Variants in VPS13B observed in about 807,000 individuals in gnomAD.
VPS13B encodes the protein vacuolar protein sorting 13 homolog B.
A neutral mutation model predicts 426.4 loss-of-function variants in VPS13B; 285 were observed. The observed-to-expected ratio is 0.67, with a 90% CI of 0.61 to 0.74. VPS13B has a LOEUF of 0.74. Ranked by LOEUF, VPS13B falls within the 30% of genes least tolerant of loss-of-function variation. The pLI, the probability that VPS13B is intolerant of heterozygous loss-of-function variation, is 0.00. For synonymous variants in VPS13B, 1,676 were observed against 1,676.4 expected (o/e 1.00, Z 0.01); for missense variants, 4,537 against 4,782.6 (o/e 0.95, Z 1.51).
chr8:99,864,118 G>A (rs1050095055), intron 58 of VPS13B, among the ~76,000 whole-genome samples: 2 of 152,198 alleles, frequency 1.3e-5, no homozygotes, highest in East Asian at 1.9e-4. Flanking sequence ...AACAAAGAGC[G>A]GAGTACAGCA....
intron 22 of VPS13B, 32 bp from the exon 23 acceptor site, chr8:99,442,368 TC>T: frequency 9.4e-6 from 15 of 1,588,764 alleles, no homozygotes; most frequent in Non-Finnish European, 1.3e-5. Flanking sequence ...TTTAGTCTAA[TC>T]CGAATATTTT....
chr8:99,846,916 GA>G (rs1189478787), intron 54 of VPS13B, among the ~76,000 whole-genome samples: 4 of 152,190 alleles, frequency 2.6e-5, no homozygotes, highest in African/African-American at 9.7e-5. Context: ...GGTGACTTAG[GA>G]AAAGGAATAT....
At chr8:99,202,980 A>C (rs1043550832) in intron 17 of VPS13B, among the ~76,000 whole-genome samples, 1 of 150,880 alleles carries the variant, frequency 6.6e-6, no homozygotes, top group Non-Finnish European at 1.5e-5. Context: ...CTTGCAGTGG[A>C]GCTTGCAGCT....
intron 30 of VPS13B, among the ~76,000 whole-genome samples, chr8:99,537,593 C>T (rs1823325418): frequency 6.6e-6 from 1 of 152,128 alleles, no homozygotes; most frequent in Non-Finnish European, 1.5e-5. Flanking sequence ...CAGAAGTTGC[C>T]CTCCTCTTTG....
intron 44 of VPS13B, among the ~76,000 whole-genome samples, chr8:99,814,015 C>T (rs1008800696): frequency 6.6e-6 from 1 of 152,164 alleles, no homozygotes; most frequent in Non-Finnish European, 1.5e-5. Context: ...TGGCATGTGC[C>T]TGTAGTCCAA....
Position 99,642,413 on chromosome 8 carries a change from G to T in VPS13B, c.5823G>T (p.Leu1941=). 6.2e-7 allele frequency: 1 copy of T among 1,614,080 alleles called. No homozygotes were observed. Among genetic ancestry groups the T allele is most frequent in the East Asian group, 2.2e-5 (1 of 44,886 alleles). ...YFIVSQPSLL[L]SCHHRKQRVE... ...TTGTGTCCCAGCCTTCCTTGCTTCTGAGTTGTCACCACAGAAAGCAGCGAG... is the reference window on the plus strand; with the variant it reads ...TTGTGTCCCAGCCTTCCTTGCTTCTTAGTTGTCACCACAGAAAGCAGCGAG... Residue 1941 remains leucine, a synonymous_variant, in exon 34 of 62, where the codon CTG becomes CTT. Coordinates refer to ENST00000357162, the MANE Select transcript of VPS13B (RefSeq NM_152564.5).
intron 22 of VPS13B, among the ~76,000 whole-genome samples, chr8:99,438,356 A>G (rs1367547179): frequency 2.0e-5 from 3 of 152,066 alleles, no homozygotes; most frequent in Non-Finnish European, 4.4e-5. Context: ...CTTGGCCTTT[A>G]TTTTCAGGAT....
intron 17 of VPS13B, 105 bp downstream of exon 17, chr8:99,193,162 A>G: frequency 1.8e-6 from 2 of 1,141,250 alleles, no homozygotes; most frequent in Non-Finnish European, 2.5e-6. Flanking sequence ...CTTAAATTGT[A>G]ATATGTTTCT....
At chr8:99,520,851 T>A (rs1822347465) in intron 29 of VPS13B, 48 bp from the exon 30 acceptor site, 1 of 1,477,208 alleles carries the variant, frequency 6.8e-7, no homozygotes, top group African/African-American at 1.4e-5. Context: ...TGCATAAAGT[T>A]ATGTACAGAT....
intron 42 of VPS13B, among the ~76,000 whole-genome samples, chr8:99,782,419 A>T (rs1208756633): frequency 6.6e-6 from 1 of 152,070 alleles, no homozygotes. Context: ...GTACAAATTA[A>T]CAAGTGCTCT....
At chr8:99,745,397 C>A (rs912557419) in intron 39 of VPS13B, among the ~76,000 whole-genome samples, 1 of 152,044 alleles carries the variant, frequency 6.6e-6, no homozygotes, top group African/African-American at 2.4e-5. Context: ...CATGGTTTCA[C>A]TTTCTGTGGT....
At chr8:99,227,635 T>C (rs1311492455) in intron 17 of VPS13B, among the ~76,000 whole-genome samples, 2 of 152,136 alleles carry the variant, frequency 1.3e-5, no homozygotes, top group East Asian at 1.9e-4. Flanking sequence ...TTCAGTTTTA[T>C]TTTTTTAACA....
intron 3 of VPS13B, among the ~76,000 whole-genome samples, chr8:99,072,751 A>G (rs1844915454): frequency 6.6e-6 from 1 of 152,016 alleles, no homozygotes; most frequent in South Asian, 2.1e-4. Flanking sequence ...TAAGTCTTTA[A>G]TCCATTTTGA....
intron 39 of VPS13B, among the ~76,000 whole-genome samples, chr8:99,723,749 A>G (rs1291944276): frequency 6.6e-6 from 1 of 152,222 alleles, no homozygotes; most frequent in African/African-American, 2.4e-5. Context: ...GTTGGTATCA[A>G]AAAGGTCTTG....
chr8:99,209,909 ATTTTT>A (rs1297250275), intron 17 of VPS13B: 2 of 253,576 alleles, frequency 7.9e-6, no homozygotes, highest in South Asian at 1.5e-4. Context: ...CGTACTCAAA[ATTTTT>A]TTTTTAAGGA....
intron 23 of VPS13B, among the ~76,000 whole-genome samples, chr8:99,456,722 G>C (rs1041192493): frequency 2.6e-5 from 4 of 152,084 alleles, no homozygotes; most frequent in Non-Finnish European, 4.4e-5. Flanking sequence ...AAGGATTTCT[G>C]TATCCATGCT....
chr8:99,643,947 C>T (rs901073650), intron 34 of VPS13B, among the ~76,000 whole-genome samples: 2 of 152,190 alleles, frequency 1.3e-5, no homozygotes, highest in African/African-American at 4.8e-5. Context: ...TACCTGCTTG[C>T]AAGTCTGCTT....
chr8:99,613,581 A>G (rs142231667), intron 33 of VPS13B, among the ~76,000 whole-genome samples: 52 of 152,316 alleles, frequency 3.4e-4, no homozygotes, highest in African/African-American at 1.2e-3. Context: ...TGGACTTGTT[A>G]GTAGCCTGGA....
chr8:99,073,014 T>C (rs1272735755), intron 3 of VPS13B, among the ~76,000 whole-genome samples: 2 of 152,212 alleles, frequency 1.3e-5, no homozygotes, highest in Non-Finnish European at 2.9e-5. Flanking sequence ...GTAGTATATT[T>C]CAAAGACAGT....
Sources: allele counts gnomAD v4.1 joint callset (sites outside exome capture counted in the v4.1 genomes callset), GRCh38; gene constraint gnomAD v4.1.1; transcripts MANE v1.5; gene names NCBI Gene and HGNC (gene_info 2026-07-23, HGNC 2026-07-21).